Variants in ABCG1 observed in about 807,000 individuals in gnomAD.
ABCG1 encodes the protein ATP-binding cassette sub-family G member 1.
A neutral mutation model predicts 69.2 loss-of-function variants in ABCG1; 29 were observed. That is an observed-to-expected ratio of 0.42 (90% CI 0.31 to 0.57). The LOEUF is 0.57. Among genes scored for constraint, ABCG1 ranks in the 20% least tolerant of loss-of-function variants. The probability of loss-of-function intolerance (pLI) is 0.15; values close to 1 mark genes in which losing one functional copy is unlikely to be tolerated. For synonymous variants in ABCG1, 370 were observed against 374.8 expected (o/e 0.99, Z 0.15); for missense variants, 718 against 898.1 (o/e 0.80, Z 2.56).
chr21:42,234,122 G>C (rs376657624), intron 2 of ABCG1, among the ~76,000 whole-genome samples: 1 of 152,156 alleles, frequency 6.6e-6, no homozygotes, highest in Non-Finnish European at 1.5e-5. Flanking sequence ...AGCCTTTGGG[G>C]AGCAGCATGG....
At chr21:42,205,948 A>T (rs2051135770) in intron 2 of ABCG1, among the ~76,000 whole-genome samples, 1 of 151,132 alleles carries the variant, frequency 6.6e-6, no homozygotes, top group Admixed American at 6.6e-5. Flanking sequence ...TGCCCTTCAG[A>T]CTCCCTCTTT....
chr21:42,259,463 C>G lies in ABCG1; in HGVS notation c.287-11607C>G, dbSNP rs767278358. On this transcript the variant is annotated intron_variant, in intron 2 of 14. Coordinates refer to ENST00000398449, the MANE Select transcript of ABCG1 (RefSeq NM_016818.3). ...GGGTGCCGATGTCTGGCCTACAGGG[C>G]TCAAGCATTGTCATCATGCCCCCAT... The G allele has an allele frequency of 5.8e-6, 9 of 1,548,844 alleles. 1 individual carries two copies. The South Asian group carries it at 1.1e-4, about 18-fold the overall frequency.
chr21:42,289,863 AGTGT>A (rs887912877), intron 10 of ABCG1, among the ~76,000 whole-genome samples, 183 bp from the exon 11 acceptor site: 6 of 151,702 alleles, frequency 4.0e-5, no homozygotes, highest in Non-Finnish European at 5.9e-5. Flanking sequence ...TGTGTGTGTG[AGTGT>A]GTGTGTGTAT....
At chr21:42,258,195 T>C (rs563993795) in intron 2 of ABCG1, among the ~76,000 whole-genome samples, 18 of 147,066 alleles carry the variant, frequency 1.2e-4, no homozygotes, top group South Asian at 4.4e-4. Flanking sequence ...CCATCCTTCC[T>C]CCCATTTCCC....
chr21:42,263,776 G>T (rs1417595854), intron 2 of ABCG1, among the ~76,000 whole-genome samples: 1 of 152,196 alleles, frequency 6.6e-6, no homozygotes, highest in Admixed American at 6.5e-5. Context: ...CAGGCGGCTG[G>T]GCCTGCAGTG....
chr21:42,257,582 C>T (rs942459564), intron 2 of ABCG1, among the ~76,000 whole-genome samples: 2 of 152,122 alleles, frequency 1.3e-5, no homozygotes, highest in African/African-American at 2.4e-5. Flanking sequence ...GGGGAAGGAC[C>T]GTACTGAGAG....
At chr21:42,285,363 C>T (rs111299919) in intron 7 of ABCG1, among the ~76,000 whole-genome samples, 3,761 of 151,880 alleles carry the variant, frequency 0.025, 157 homozygotes, top group African/African-American at 0.087. Flanking sequence ...AAAATTATCC[C>T]GGTGTGGTGG....
At chr21:42,265,173 C>T (rs1601412980) in intron 2 of ABCG1, among the ~76,000 whole-genome samples, 1 of 152,222 alleles carries the variant, frequency 6.6e-6, no homozygotes, top group African/African-American at 2.4e-5. Flanking sequence ...TGCTCAGGCC[C>T]TCACGTCCCT....
intron 13 of ABCG1, among the ~76,000 whole-genome samples, chr21:42,293,279 A>G (rs1439718208): frequency 1.5e-5 from 2 of 134,976 alleles, no homozygotes; most frequent in African/African-American, 5.9e-5. Flanking sequence ...CACATACCAC[A>G]CTACACAGTA....
At chr21:42,281,496 G>A (rs190853093) in intron 5 of ABCG1, among the ~76,000 whole-genome samples, 1 of 152,342 alleles carries the variant, frequency 6.6e-6, no homozygotes, top group South Asian at 2.1e-4. Flanking sequence ...GGAGGGCTCC[G>A]TGCGCAGTGC....
At chr21:42,293,865 A>C (rs970622507) in intron 13 of ABCG1, among the ~76,000 whole-genome samples, 11 of 149,780 alleles carry the variant, frequency 7.3e-5, no homozygotes, top group Non-Finnish European at 1.5e-5. Flanking sequence ...ATCACACACT[A>C]CACACCACAC....
At chr21:42,234,205 C>T (rs1425553345) in intron 2 of ABCG1, among the ~76,000 whole-genome samples, 1 of 152,078 alleles carries the variant, frequency 6.6e-6, no homozygotes, top group Admixed American at 6.5e-5. Flanking sequence ...TGCCCAGGAC[C>T]GCTGGCAGGT....
chr21:42,250,980 C>T (rs1284773767), intron 2 of ABCG1, among the ~76,000 whole-genome samples: 1 of 152,166 alleles, frequency 6.6e-6, no homozygotes, highest in Non-Finnish European at 1.5e-5. Flanking sequence ...GGGATCACAA[C>T]ACAAAGGCAA....
intron 10 of ABCG1, 72 bp from the exon 11 acceptor site, chr21:42,289,978 C>T (rs543545883): frequency 1.7e-5 from 27 of 1,571,584 alleles, no homozygotes; most frequent in African/African-American, 5.4e-5. Context: ...TTCCAAAGGC[C>T]GCATCCGGGT....
At chr21:42,261,723 C>T (rs574457577) in intron 2 of ABCG1, among the ~76,000 whole-genome samples, 6 of 152,364 alleles carry the variant, frequency 3.9e-5, no homozygotes, top group African/African-American at 7.2e-5. Context: ...GCTGCAACCT[C>T]GGCCGCGGAG....
chr21:42,244,960 A>G (rs1473537831), intron 2 of ABCG1, among the ~76,000 whole-genome samples: 1 of 152,224 alleles, frequency 6.6e-6, no homozygotes, highest in Admixed American at 6.5e-5. Context: ...TGAGAACTCC[A>G]TGTGGGAATC....
chr21:42,206,278 A>T (rs1005746979), intron 2 of ABCG1, among the ~76,000 whole-genome samples: 1 of 152,136 alleles, frequency 6.6e-6, no homozygotes, highest in Non-Finnish European at 1.5e-5. Flanking sequence ...TGAGCCCGGG[A>T]GGTGGAGGTT....
intron 2 of ABCG1, among the ~76,000 whole-genome samples, chr21:42,241,630 AC>A (rs1390236256): frequency 4.3e-4 from 62 of 144,292 alleles, no homozygotes; most frequent in African/African-American, 1.5e-3. Context: ...CAAAAAAAAA[AC>A]AAAACCCAAA....
intron 5 of ABCG1, among the ~76,000 whole-genome samples, chr21:42,279,943 G>GA (rs2068777901): frequency 6.6e-6 from 1 of 152,222 alleles, no homozygotes; most frequent in African/African-American, 2.4e-5. Context: ...GCCCGGATGA[G>GA]AGCCTCCAGC....
Sources: gnomAD v4.1 joint callset for allele counts (sites outside exome capture counted in the v4.1 genomes callset) on GRCh38, gnomAD v4.1.1 for gene constraint, MANE v1.5 for transcripts, NCBI Gene and HGNC (gene_info 2026-07-23, HGNC 2026-07-21) for gene names.